The following SLIT3 variants were observed in gnomAD, a reference collection of about 807,000 sequenced individuals.
SLIT3 encodes slit homolog 3 protein.
In SLIT3, 68 loss-of-function variants were observed where a neutral mutation model predicts 184.0. That is an observed-to-expected ratio of 0.37 (90% CI 0.30 to 0.45). The LOEUF (loss-of-function observed/expected upper bound fraction) is 0.45, where lower values mean the gene tolerates loss of function less well. SLIT3 is among the 20% of genes least tolerant of loss of function. The pLI is 1.00. For synonymous variants in SLIT3, 831 were observed against 828.6 expected (o/e 1.00, Z -0.05); for missense variants, 1,707 against 2,026.0 (o/e 0.84, Z 3.02).
chr5:169,286,083 C>T (rs79668377), intron 1 of SLIT3, among the ~76,000 whole-genome samples: 9,520 of 152,140 alleles, frequency 0.063, 491 homozygotes, highest in Admixed American at 0.17. Flanking sequence ...ACATGTATTA[C>T]CTCATTTGAT....
intron 4 of SLIT3, 135 bp from the exon 5 acceptor site, chr5:168,883,471 G>A (rs572105803): frequency 4.0e-5 from 26 of 653,732 alleles, no homozygotes; most frequent in Admixed American, 1.0e-4. Flanking sequence ...GTTTGGTCTC[G>A]GGCCCCAGGC....
intron 6 of SLIT3, among the ~76,000 whole-genome samples, chr5:168,835,759 C>A (rs1561958838): frequency 6.6e-6 from 1 of 151,572 alleles, no homozygotes; most frequent in Non-Finnish European, 1.5e-5. Context: ...TGCAGTGAGC[C>A]CAGATTCCAC....
intron 20 of SLIT3, among the ~76,000 whole-genome samples, chr5:168,746,084 A>G (rs189051196): frequency 4.5e-4 from 69 of 152,358 alleles, no homozygotes; most frequent in African/African-American, 1.7e-3. Context: ...TAACTTCGAT[A>G]TGCACTGGGA....
In SLIT3 at chr5:168,719,405, CACTA is replaced by C. The variant is rs200114631; in HGVS notation, c.2483+2847_2483+2850del. On this transcript the variant is annotated intron_variant, in intron 23 of 35. Coordinates refer to ENST00000519560, the MANE Select transcript of SLIT3 (RefSeq NM_003062.4). ...TGTTATAGAAATGACTTTATATAAA[CACTA>C]ACTATCACAATTTTTTTCATTTGCT... 5.5e-3 allele frequency among the ~76,000 whole-genome samples: 831 copies of C among 152,324 alleles called. 7 individuals are homozygous for C. Among genetic ancestry groups the C allele is most frequent in the African/African-American group, 0.019 (771 of 41,570 alleles).
chr5:169,010,470 T>C (rs1756102122), intron 4 of SLIT3, among the ~76,000 whole-genome samples: 1 of 152,190 alleles, frequency 6.6e-6, no homozygotes, highest in African/African-American at 2.4e-5. Flanking sequence ...CTGGGTGTCC[T>C]GTATTTTTAT....
chr5:169,049,409 G>A (rs1469097251), intron 4 of SLIT3, among the ~76,000 whole-genome samples: 2 of 152,102 alleles, frequency 1.3e-5, no homozygotes, highest in Admixed American at 6.6e-5. Flanking sequence ...ACTGGAATTC[G>A]ATGTTGCTTT....
chr5:169,167,338 G>A (rs537010241), intron 4 of SLIT3, among the ~76,000 whole-genome samples: 97 of 140,292 alleles, frequency 6.9e-4, no homozygotes, highest in Non-Finnish European at 1.1e-3. Context: ...GCAGTGGTGC[G>A]ATCTTGGCTC....
intron 5 of SLIT3, among the ~76,000 whole-genome samples, chr5:168,866,707 G>A (rs1262484276): frequency 1.3e-5 from 2 of 152,154 alleles, no homozygotes; most frequent in Non-Finnish European, 2.9e-5. Context: ...ACTCTGCTAT[G>A]TGACCTTGGA....
chr5:168,772,065 C>G (rs904194284), intron 14 of SLIT3: 1 of 152,188 alleles, frequency 6.6e-6, no homozygotes, highest in African/African-American at 2.4e-5. Context: ...TCAAGGAGAG[C>G]TACTTCTCTT....
At chr5:169,211,997 G>T (rs1396977105) in intron 3 of SLIT3, among the ~76,000 whole-genome samples, 1 of 149,354 alleles carries the variant, frequency 6.7e-6, no homozygotes, top group East Asian at 2.0e-4. Context: ...ATTCCATGGT[G>T]TATTTTCTTT....
chr5:168,915,703 A>G (rs926490699), intron 4 of SLIT3, among the ~76,000 whole-genome samples: 5 of 152,042 alleles, frequency 3.3e-5, no homozygotes, highest in African/African-American at 1.2e-4. Flanking sequence ...TACTTACAGC[A>G]TACCTTAATT....
intron 5 of SLIT3, among the ~76,000 whole-genome samples, chr5:168,872,197 G>T (rs1320403204): frequency 2.0e-5 from 3 of 152,158 alleles, no homozygotes; most frequent in Non-Finnish European, 4.4e-5. Flanking sequence ...GAAAATGAAA[G>T]AATTTACCTG....
intron 4 of SLIT3, among the ~76,000 whole-genome samples, chr5:169,053,362 T>C (rs1757878013): frequency 1.3e-5 from 2 of 152,248 alleles, no homozygotes; most frequent in African/African-American, 4.8e-5. Context: ...TGGTCTAAAC[T>C]TGGAGGAAGC....
At chr5:169,040,844 G>A (rs191398396) in intron 4 of SLIT3, among the ~76,000 whole-genome samples, 14 of 152,306 alleles carry the variant, frequency 9.2e-5, no homozygotes, top group Admixed American at 5.9e-4. Context: ...GCCCATTGCC[G>A]ATTGGCTACC....
intron 4 of SLIT3, among the ~76,000 whole-genome samples, chr5:169,074,996 T>C (rs1259311235): frequency 2.6e-5 from 4 of 152,190 alleles, no homozygotes; most frequent in African/African-American, 4.8e-5. Context: ...CTGAGAGCTC[T>C]GCTATTGAGC....
At chr5:168,693,119 C>T (rs116024347) in intron 28 of SLIT3, among the ~76,000 whole-genome samples, 1,834 of 152,320 alleles carry the variant, frequency 0.012, 26 homozygotes, top group East Asian at 0.024. Flanking sequence ...GGGGACACAA[C>T]AGTGACTGGG....
At chr5:169,001,042 A>G (rs577483742) in intron 4 of SLIT3, among the ~76,000 whole-genome samples, 21 of 152,382 alleles carry the variant, frequency 1.4e-4, no homozygotes, top group Admixed American at 1.4e-3. Flanking sequence ...ACAGAGGGAC[A>G]TAAATAATCC....
At chr5:168,954,771 G>C (rs945107144) in intron 4 of SLIT3, among the ~76,000 whole-genome samples, 1 of 152,192 alleles carries the variant, frequency 6.6e-6, no homozygotes, top group Non-Finnish European at 1.5e-5. Context: ...CAATTGTTTG[G>C]TAAACTGATG....
chr5:169,037,113 T>C (rs970700620), intron 4 of SLIT3, among the ~76,000 whole-genome samples: 4 of 138,886 alleles, frequency 2.9e-5, no homozygotes, highest in Non-Finnish European at 4.5e-5. Flanking sequence ...CCATCGTGCC[T>C]ATTCATGTAG....
Sources: allele counts gnomAD v4.1 joint callset (sites outside exome capture counted in the v4.1 genomes callset), GRCh38; gene constraint gnomAD v4.1.1; transcripts MANE v1.5; gene names NCBI Gene and HGNC (gene_info 2026-07-23, HGNC 2026-07-21).